SLC2A1: variants seen among roughly 807,000 people sequenced by gnomAD.
SLC2A1 encodes the protein solute carrier family 2 member 1, also known as solute carrier family 2, facilitated glucose transporter member 1.
A neutral mutation model predicts 46.6 loss-of-function variants in SLC2A1; 4 were observed. The ratio of observed to expected loss-of-function variants is 0.09; its 90% confidence interval spans 0.04 to 0.20. SLC2A1 has a LOEUF of 0.20. Among genes scored for constraint, SLC2A1 ranks in the 10% least tolerant of loss-of-function variants. The pLI, the probability that SLC2A1 is intolerant of heterozygous loss-of-function variation, is 1.00. For synonymous variants in SLC2A1, 253 were observed against 270.0 expected, an observed-to-expected ratio of 0.94 and a Z score of 0.62; for missense variants, 352 against 667.0, an observed-to-expected ratio of 0.53 and a Z score of 5.20.
intron 2 of SLC2A1, among the ~76,000 whole-genome samples, chr1:42,933,623 C>T (rs374826080): frequency 3.3e-5 from 5 of 152,020 alleles, no homozygotes; most frequent in East Asian, 1.9e-4. Context: ...CTTCTGTGGA[C>T]GAAACTAACC....
chr1:42,946,475 C>T (rs901662629), intron 1 of SLC2A1, among the ~76,000 whole-genome samples: 1 of 152,066 alleles, frequency 6.6e-6, no homozygotes, highest in Non-Finnish European at 1.5e-5. Flanking sequence ...CTAGTGTGGT[C>T]TGGGCTTCAA....
chr1:42,929,127 A>G lies in SLC2A1; in HGVS notation c.972+83T>C. 6.4e-7 allele frequency: 1 copy of G among 1,553,486 alleles called. No homozygotes were observed. Among genetic ancestry groups the G allele is most frequent in the Non-Finnish European group, 8.9e-7 (1 of 1,125,686 alleles). ...TTGCCTCAAGAGCTGAGAAAGTCAC[A>G]GGGCACTGCAAAGACCAGTGGGGAA... On this transcript the variant is annotated intron_variant, in intron 7 of 9. Coordinates refer to ENST00000426263, the MANE Select transcript of SLC2A1 (RefSeq NM_006516.4). The surrounding 1 kb of genome is among the most constrained non-coding windows in gnomAD (Gnocchi z 6.0).
chr1:42,929,084 C>A lies in SLC2A1; in HGVS notation c.973-51G>T. 2 of 1,584,084 alleles carry A rather than the reference C, an allele frequency of 1.3e-6. No individual in the cohort carries two copies. The highest frequency in any genetic ancestry group is 1.7e-6 in the Non-Finnish European group (2 of 1,153,892). On this transcript the variant is annotated intron_variant, in intron 7 of 9. Transcript: ENST00000426263. The surrounding 1 kb of genome is among the most constrained non-coding windows in gnomAD (Gnocchi z 6.0). ...CACCCCTGCCTAGTGCCCTTCTGAA[C>A]CCACCCACCCAGAGGCCTTGCCTCA...
chr1:42,945,564 A>G (rs1643644996), intron 1 of SLC2A1, among the ~76,000 whole-genome samples: 1 of 152,094 alleles, frequency 6.6e-6, no homozygotes, highest in Non-Finnish European at 1.5e-5. Flanking sequence ...CCTGGCCAAC[A>G]TGGCAAAACC....
chr1:42,926,527 C>G lies in SLC2A1; in HGVS notation c.*514G>C. Reference sequence around the variant, plus strand: ...TTGGGTAGGAAGAGATGGGAAGGGGCAAATCCTAATGGAGCCTGACCCCTA... The same window carrying G: ...TTGGGTAGGAAGAGATGGGAAGGGGGAAATCCTAATGGAGCCTGACCCCTA... On this transcript the variant is annotated 3_prime_UTR_variant, in exon 10 of 10. Coordinates refer to ENST00000426263, the MANE Select transcript of SLC2A1 (RefSeq NM_006516.4). 3.2e-6 allele frequency: 1 copy of G among 317,180 alleles called. No individual in the cohort carries two copies. Among genetic ancestry groups the G allele is most frequent in the South Asian group, 2.9e-5 (1 of 33,922 alleles). 19.6% of individuals were successfully genotyped at this position (317,180 alleles called of 1,614,324 possible). A position where few individuals can be genotyped will look rare whatever the true frequency, so the allele number is the denominator to read the frequency against.
intron 1 of SLC2A1, chr1:42,952,167 G>T: frequency 2.0e-6 from 1 of 512,716 alleles, no homozygotes; most frequent in Non-Finnish European, 3.5e-6. Context: ...GTTCATTCTG[G>T]AATAAGCAGG....
At chr1:42,946,469 T>C (rs533031880) in intron 1 of SLC2A1, among the ~76,000 whole-genome samples, 3 of 151,768 alleles carry the variant, frequency 2.0e-5, no homozygotes, top group African/African-American at 7.3e-5. Flanking sequence ...GAGAGGCTAG[T>C]GTGGTCTGGG....
At chr1:42,958,349 G>A (rs1643803265) in intron 1 of SLC2A1, among the ~76,000 whole-genome samples, 1 of 151,008 alleles carries the variant, frequency 6.6e-6, no homozygotes, top group Non-Finnish European at 1.5e-5. Flanking sequence ...GCAGGGCCGC[G>A]TGGACGGCGC....
chr1:42,930,574 TGAA>T lies in SLC2A1; in HGVS notation c.516+49_516+51del. 6.2e-7 allele frequency: 1 copy of T among 1,609,684 alleles called. No homozygotes were observed. The highest frequency in any genetic ancestry group is 8.5e-7 in the Non-Finnish European group (1 of 1,178,226). The stretch of plus-strand genomic sequence containing the variant: ...TGCTGGGCACAGATCCGAGAGCCAC[TGAA>T]GCTGTGGGCAGGGGCCGTGCCAGGC... On this transcript the variant is annotated intron_variant, in intron 4 of 9. Coordinates refer to ENST00000426263, the MANE Select transcript of SLC2A1 (RefSeq NM_006516.4). This position sits in a 1 kb window ranked among gnomAD's most constrained non-coding sequence, Gnocchi z 6.2.
In SLC2A1 at chr1:42,930,151, C is replaced by T; in HGVS notation, c.517-116G>A. On this transcript the variant is annotated intron_variant, in intron 4 of 9. Coordinates refer to ENST00000426263, the MANE Select transcript of SLC2A1 (RefSeq NM_006516.4). This position sits in a 1 kb window ranked among gnomAD's most constrained non-coding sequence, Gnocchi z 6.2. ...GCTGCTTCAGGGAAGGGCCCCAGTT[C>T]TAGAGGCTCTGCCACTAGCATGAGC... The T allele has an allele frequency of 8.5e-7, 1 of 1,175,942 alleles. No homozygotes were observed. 72.8% of individuals were successfully genotyped at this position (1,175,942 alleles called of 1,614,324 possible). A position where few individuals can be genotyped will look rare whatever the true frequency, so the allele number is the denominator to read the frequency against.
intron 2 of SLC2A1, among the ~76,000 whole-genome samples, chr1:42,931,568 G>A (rs1469086308): frequency 6.6e-6 from 1 of 152,070 alleles, no homozygotes; most frequent in Non-Finnish European, 1.5e-5. Flanking sequence ...GCTCACGCCT[G>A]TAATCCCAGC....
rs1371249877 is a variant in SLC2A1, at chr1:42,954,016, G to A, written c.18+4618C>T. Among the ~76,000 whole-genome samples, 1 of 152,214 alleles carries A rather than the reference G, an allele frequency of 6.6e-6. No homozygotes were observed. Among genetic ancestry groups the A allele is most frequent in the Non-Finnish European group, 1.5e-5 (1 of 68,038 alleles). ...ACTGAGAAGGAAACCAAGGCTCCAA[G>A]GAAAGCCACTTCTTCAAGGTCAGAG... On this transcript the variant is annotated intron_variant, in intron 1 of 9. Transcript: ENST00000426263. The surrounding 1 kb of genome is among the most constrained non-coding windows in gnomAD (Gnocchi z 4.2).
At chr1:42,943,480 G>A (rs1351143047) in intron 1 of SLC2A1, among the ~76,000 whole-genome samples, 159 bp from the exon 2 acceptor site, 1 of 152,154 alleles carries the variant, frequency 6.6e-6, no homozygotes, top group African/African-American at 2.4e-5. Flanking sequence ...CTGACCTTAG[G>A]TGCCCAAACC....
chr1:42,952,163 T>G (rs1643727980), intron 1 of SLC2A1: 1 of 519,088 alleles, frequency 1.9e-6, no homozygotes, highest in East Asian at 3.3e-5. Flanking sequence ...GGCTGTTCAT[T>G]CTGGAATAAG....
rs148923342 is a variant in SLC2A1 at position 42,939,555 on chromosome 1, T to C, written c.114+3671A>G. ...ATGCCCTGGTCAGAGGTTCTGCCCA[T>C]ATTCCATGACAGTTATAACCTCTTG... On this transcript the variant is annotated intron_variant, in intron 2 of 9. Coordinates refer to ENST00000426263, the MANE Select transcript of SLC2A1 (RefSeq NM_006516.4). Among the ~76,000 whole-genome samples the C allele has an allele frequency of 2.9e-3, 443 of 152,326 alleles. 1 individual carries two copies. Among genetic ancestry groups the C allele is most frequent in the African/African-American group, 0.01 (427 of 41,574 alleles).
intron 1 of SLC2A1, among the ~76,000 whole-genome samples, chr1:42,956,308 T>G (rs554738332): frequency 1.4e-4 from 20 of 140,594 alleles, no homozygotes; most frequent in African/African-American, 5.1e-4. Flanking sequence ...AGGCCTGTAA[T>G]CCCAGCACTT....
chr1:42,933,159 C>T (rs977504634), intron 2 of SLC2A1, among the ~76,000 whole-genome samples: 12 of 152,152 alleles, frequency 7.9e-5, no homozygotes, highest in Non-Finnish European at 1.3e-4. Flanking sequence ...TGTCATCATC[C>T]CTAAAATCAC....
At position 42,931,741 on chromosome 1, in the gene SLC2A1, G is replaced by C. The variant is rs180793255; in HGVS notation, c.115-535C>G. Among the ~76,000 whole-genome samples, 302 of 148,210 alleles carry C rather than the reference G, an allele frequency of 2.0e-3. 1 individual carries two copies. Among genetic ancestry groups the C allele is most frequent in the African/African-American group, 7.3e-3 (295 of 40,384 alleles). ...CTACACGGGAGGCTAAGGCAGAATT[G>C]CTTAAACCCAGGACACGGAGTTTGC... On this transcript the variant is annotated intron_variant, in intron 2 of 9. Coordinates refer to ENST00000426263, the MANE Select transcript of SLC2A1 (RefSeq NM_006516.4).
rs1446219353 is a variant in SLC2A1 at position 42,926,935 on chromosome 1, G to A, written c.*106C>T. On this transcript the variant is annotated 3_prime_UTR_variant, in exon 10 of 10. Transcript: ENST00000426263. ...GGCTGGAGAAAGGAGCCCCAGGCCC[G>A]GCTCGGCTGACATCTGTCAGGTTTG... 9 of 1,542,210 alleles carry A rather than the reference G, an allele frequency of 5.8e-6. No individual in the cohort carries two copies. Among genetic ancestry groups the A allele is most frequent in the Admixed American group, 1.9e-5 (1 of 51,976 alleles).
Sources: gnomAD v4.1 joint callset for allele counts (sites outside exome capture counted in the v4.1 genomes callset) on GRCh38, gnomAD v4.1.1 for gene constraint, Gnocchi (gnomAD v3.1) non-coding constraint, MANE v1.5 for transcripts, NCBI Gene and HGNC (gene_info 2026-07-23, HGNC 2026-07-21) for gene names.